Variants in LRBA observed in about 807,000 individuals in gnomAD.
The protein encoded by LRBA is LPS responsive beige-like anchor protein.
Under a neutral mutation model 330.0 loss-of-function variants are expected in LRBA, and 176 were observed. That is an observed-to-expected ratio of 0.53 (90% CI 0.47 to 0.60). The LOEUF is 0.60. LRBA is among the 20% of genes least tolerant of loss of function. The pLI is 0.00. For missense variants in LRBA, 3,259 were observed against 3,444.8 expected (o/e 0.95, Z 1.35); for synonymous variants, 1,230 against 1,193.0 (o/e 1.03, Z -0.64).
chr4:150,967,907 G>C (rs1739085460), intron 2 of LRBA, among the ~76,000 whole-genome samples: 1 of 151,658 alleles, frequency 6.6e-6, no homozygotes, highest in African/African-American at 2.4e-5. Context: ...CTCTTTTTGG[G>C]CCACCCTATT....
At chr4:150,838,443 T>A (rs1748509895) in intron 28 of LRBA, among the ~76,000 whole-genome samples, 1 of 152,196 alleles carries the variant, frequency 6.6e-6, no homozygotes, top group African/African-American at 2.4e-5. Context: ...AGACGTAGAT[T>A]TGGTCTTTTC....
intron 26 of LRBA, 33 bp from the exon 27 acceptor site, chr4:150,844,812 G>T: frequency 6.3e-7 from 1 of 1,576,884 alleles, no homozygotes; most frequent in South Asian, 1.1e-5. Flanking sequence ...GATAGGGAAA[G>T]AAAAGTTAAT....
At chr4:150,318,434 C>G (rs140759071) in intron 50 of LRBA, among the ~76,000 whole-genome samples, 3,547 of 151,948 alleles carry the variant, frequency 0.023, 67 homozygotes, top group Middle Eastern at 0.034. Flanking sequence ...AGAAAAGAAA[C>G]AGAACCTAAA....
chr4:150,945,437 A>AT (rs1178399166), intron 2 of LRBA, among the ~76,000 whole-genome samples: 1 of 152,170 alleles, frequency 6.6e-6, no homozygotes, highest in African/African-American at 2.4e-5. Flanking sequence ...ACAATACTAA[A>AT]TTTTTTTAAA....
rs576214546 is a variant in LRBA, at chr4:150,583,687, G to A, written c.6330+4361C>T. 6.2e-7 allele frequency: 1 copy of A among 1,613,712 alleles called. No homozygotes were observed. The stretch of plus-strand genomic sequence containing the variant: ...CTCGAAGGAGTGCTACTCGCTGACC[G>A]GCAAGCAGAGCTCGGCAGAGAGCGA... On this transcript the variant is annotated intron_variant, in intron 40 of 56. Coordinates refer to ENST00000651943, the MANE Select transcript of LRBA (RefSeq NM_001364905.1). The surrounding 1 kb of genome is among the most constrained non-coding windows in gnomAD (Gnocchi z 9.8).
chr4:150,445,114 T>C (rs1752417930), intron 44 of LRBA, among the ~76,000 whole-genome samples: 1 of 152,034 alleles, frequency 6.6e-6, no homozygotes, highest in South Asian at 2.1e-4. Context: ...TTTGCAGATA[T>C]ATTCATCTGC....
At chr4:150,703,854 CAA>C (rs571572640) in intron 36 of LRBA, among the ~76,000 whole-genome samples, 3 of 136,868 alleles carry the variant, frequency 2.2e-5, no homozygotes, top group Admixed American at 7.3e-5. Flanking sequence ...TCCATTAGCC[CAA>C]AAAAAAAAAA....
chr4:150,569,763 T>C (rs1170907424), intron 40 of LRBA, among the ~76,000 whole-genome samples: 2 of 152,080 alleles, frequency 1.3e-5, no homozygotes, highest in Non-Finnish European at 2.9e-5. Flanking sequence ...CTGACCACCA[T>C]TTGACCTCTG....
intron 37 of LRBA, among the ~76,000 whole-genome samples, chr4:150,677,491 A>G (rs552353312): frequency 7.1e-4 from 108 of 152,348 alleles, no homozygotes; most frequent in African/African-American, 2.5e-3. Context: ...TGACACTTGG[A>G]TGCCATAAGT....
At chr4:150,349,215 A>G (rs564123626) in intron 48 of LRBA, among the ~76,000 whole-genome samples, 166 of 152,322 alleles carry the variant, frequency 1.1e-3, no homozygotes, top group East Asian at 4.2e-3. Context: ...AGTGCTAGGG[A>G]AAAATGGCAA....
chr4:150,874,511 G>A (rs1200805957), intron 17 of LRBA, among the ~76,000 whole-genome samples: 6 of 152,146 alleles, frequency 3.9e-5, no homozygotes, highest in Admixed American at 2.6e-4. Context: ...CTACCCCGTC[G>A]CAGGCCTGGG....
At chr4:150,802,849 C>T (rs780555989) in intron 33 of LRBA, among the ~76,000 whole-genome samples, 5 of 151,508 alleles carry the variant, frequency 3.3e-5, no homozygotes, top group African/African-American at 4.9e-5. Context: ...GTGGCGAAAC[C>T]CCATCTCTAC....
chr4:150,887,188 G>A (rs1048215141), intron 17 of LRBA, among the ~76,000 whole-genome samples: 9 of 152,048 alleles, frequency 5.9e-5, no homozygotes, highest in African/African-American at 1.9e-4. Flanking sequence ...TGAAATTTTA[G>A]ACTTGAAATG....
At chr4:150,554,184 C>T (rs1285373338) in intron 40 of LRBA, among the ~76,000 whole-genome samples, 1 of 152,148 alleles carries the variant, frequency 6.6e-6, no homozygotes, top group African/African-American at 2.4e-5. Context: ...CCTTCCTGTA[C>T]CAATTTTGCC....
intron 48 of LRBA, among the ~76,000 whole-genome samples, chr4:150,330,589 G>A (rs1229515640): frequency 1.3e-5 from 2 of 152,094 alleles, no homozygotes; most frequent in Admixed American, 1.3e-4. Flanking sequence ...GCGTGCAACC[G>A]AGATCCCTCG....
chr4:150,479,406 T>A (rs1424400978), intron 42 of LRBA, among the ~76,000 whole-genome samples: 3 of 152,310 alleles, frequency 2.0e-5, no homozygotes, highest in South Asian at 2.1e-4. Context: ...AGAAAAAGAC[T>A]TCTTAACTAA....
chr4:150,881,839 C>A (rs1728428224), intron 17 of LRBA, among the ~76,000 whole-genome samples: 1 of 152,176 alleles, frequency 6.6e-6, no homozygotes, highest in Non-Finnish European at 1.5e-5. Flanking sequence ...GTAATCCCAG[C>A]ATTTTGGGAG....
intron 46 of LRBA, among the ~76,000 whole-genome samples, chr4:150,427,869 T>C (rs908091512): frequency 4.6e-5 from 7 of 151,978 alleles, no homozygotes; most frequent in African/African-American, 1.4e-4. Flanking sequence ...ACGGGCCTAA[T>C]GTTGATGATA....
At chr4:150,427,221 T>C (rs188430947) in intron 46 of LRBA, among the ~76,000 whole-genome samples, 5 of 151,996 alleles carry the variant, frequency 3.3e-5, no homozygotes, top group East Asian at 3.8e-4. Flanking sequence ...ACTTGACATA[T>C]GCATGCATTT....
Sources: allele counts gnomAD v4.1 joint callset (sites outside exome capture counted in the v4.1 genomes callset), GRCh38; gene constraint gnomAD v4.1.1; non-coding constraint Gnocchi (gnomAD v3.1); transcripts MANE v1.5; gene names NCBI Gene and HGNC (gene_info 2026-07-23, HGNC 2026-07-21).